PADI2: variants seen among roughly 807,000 people sequenced by gnomAD.
The protein encoded by PADI2 is protein-arginine deiminase type-2.
PADI2 carries 70 observed loss-of-function variants against 81.1 expected under a neutral mutation model. The ratio of observed to expected loss-of-function variants is 0.86; its 90% CI spans 0.71 to 1.05. PADI2 has a LOEUF of 1.05. Among genes scored for constraint, PADI2 ranks in the 50% least tolerant of loss-of-function variants. PADI2 has a pLI of 0.00. For missense variants in PADI2, 853 were observed against 889.9 expected, an observed-to-expected ratio of 0.96 and a Z score of 0.53; for synonymous variants, 338 against 358.0, an observed-to-expected ratio of 0.94 and a Z score of 0.63.
At chr1:17,095,832 G>T in intron 4 of PADI2, 77 bp downstream of exon 4, 1 of 1,147,224 alleles carries the variant, frequency 8.7e-7, no homozygotes. Context: ...TGTGAAATGG[G>T]AATTGCCTGC....
At chr1:17,073,566 A>G (rs6663485) in intron 13 of PADI2, among the ~76,000 whole-genome samples, 91,330 of 151,998 alleles carry the variant, frequency 0.6, 27,842 homozygotes, top group Middle Eastern at 0.7. Context: ...AATAAAAAAC[A>G]TGTTGGACAT....
Position 17,084,662 on chromosome 1 carries a change from A to G in PADI2, c.875T>C (p.Phe292Ser). 1 of 1,571,538 alleles carries G rather than the reference A, an allele frequency of 6.4e-7. No individual in the cohort carries two copies. Among genetic ancestry groups the G allele is most frequent in the East Asian group, 2.4e-5 (1 of 41,990 alleles). ...GGTCATGATCCACGGAGCAATCCGG[A>G]ATATCACGGTGTCCGTGAAGATGGG... The part of the protein sequence containing the change: ...LTPIFTDTVI[F>S]RIAPWIMTPN... Residue 292 changes from phenylalanine (F) to serine (S), a missense_variant, in exon 8 of 16, where the codon TTC (phenylalanine) becomes TCC (serine). Phe to Ser is a radical substitution (Grantham distance 155). Coordinates refer to ENST00000375486, the MANE Select transcript of PADI2 (RefSeq NM_007365.3).
chr1:17,102,006 C>T (rs1931162298), intron 3 of PADI2, among the ~76,000 whole-genome samples: 1 of 152,130 alleles, frequency 6.6e-6, no homozygotes, highest in Non-Finnish European at 1.5e-5. Context: ...CATTCTCCCC[C>T]TCCTCCTCCT....
intron 2 of PADI2, among the ~76,000 whole-genome samples, chr1:17,104,525 C>T (rs779830543): frequency 7.0e-6 from 1 of 142,394 alleles, no homozygotes; most frequent in Non-Finnish European, 1.5e-5. Flanking sequence ...AGCTCCGCCT[C>T]CCGGGTTCAC....
At chr1:17,079,834 G>A (rs965142151) in intron 10 of PADI2, among the ~76,000 whole-genome samples, 14 of 149,674 alleles carry the variant, frequency 9.4e-5, no homozygotes, top group African/African-American at 3.2e-4. Flanking sequence ...TTGCTCTGTC[G>A]CCCAGGCTGG....
intron 3 of PADI2, among the ~76,000 whole-genome samples, chr1:17,099,396 A>T (rs1216374852): frequency 6.6e-6 from 1 of 152,034 alleles, no homozygotes; most frequent in East Asian, 1.9e-4. Flanking sequence ...CTCCCTCCCC[A>T]CACCTCACCT....
chr1:17,106,062 C>T lies in PADI2; in HGVS notation c.93-1001G>A, dbSNP rs12747805. ...GGGTCGCTGAGTAAAGTGCTGAGTC[C>T]TCACAGGGATGGAGCCCAGTGCCTG... is the stretch of plus-strand genomic sequence containing the variant. On this transcript the variant is annotated intron_variant, in intron 1 of 15. Transcript: ENST00000375486. Among the ~76,000 whole-genome samples the T allele has an allele frequency of 6.9e-3, 1,058 of 152,262 alleles. 6 individuals carry two copies. The highest frequency in any genetic ancestry group is 0.012 in the Non-Finnish European group (845 of 68,006).
intron 6 of PADI2, among the ~76,000 whole-genome samples, chr1:17,090,157 C>T (rs1329023971): frequency 2.0e-5 from 3 of 152,226 alleles, no homozygotes; most frequent in Non-Finnish European, 4.4e-5. Context: ...TTGTAACTAA[C>T]AGTCATCATC....
rs1317312307 is a variant in PADI2, at chr1:17,104,872, T to G, written c.276+6A>C. ...CCCGCAGAGGCTGGACTTCCCGCCG[T>G]GGTACCTTGTCACTGCTGGCCTCGG... On this transcript the variant is annotated splice_donor_region_variant and intron_variant, in intron 2 of 15. Coordinates refer to ENST00000375486, the MANE Select transcript of PADI2 (RefSeq NM_007365.3). 6.4e-7 allele frequency: 1 copy of G among 1,563,376 alleles called. No homozygotes were observed. The highest frequency in any genetic ancestry group is 8.7e-7 in the Non-Finnish European group (1 of 1,152,322).
At position 17,083,819 on chromosome 1, in the gene PADI2, CAGGTAATTA is replaced by C; in HGVS notation, c.948_956del (p.Asp316_Leu319delinsGlu). On this transcript the variant is annotated inframe_deletion, in exon 9 of 16. Coordinates refer to ENST00000375486, the MANE Select transcript of PADI2 (RefSeq NM_007365.3). ...CAAGGTTCTTCACCTCTTTCAGGAA[CAGGTAATTA>C]TCCTTCATGCTGAGAAGTTGGGGGA... 6.2e-7 allele frequency: 1 copy of C among 1,610,356 alleles called. No homozygotes were observed. The highest frequency in any genetic ancestry group is 8.5e-7 in the Non-Finnish European group (1 of 1,176,606).
chr1:17,114,529 G>C (rs531407783), intron 1 of PADI2, among the ~76,000 whole-genome samples: 2 of 152,214 alleles, frequency 1.3e-5, no homozygotes, highest in Non-Finnish European at 2.9e-5. Context: ...TTGTTGCAAG[G>C]TTTAAATACG....
At chr1:17,114,432 A>G (rs1234182407) in intron 1 of PADI2, among the ~76,000 whole-genome samples, 1 of 152,134 alleles carries the variant, frequency 6.6e-6, no homozygotes, top group Non-Finnish European at 1.5e-5. Flanking sequence ...CCCACAGTTT[A>G]CTGGCTGTGC....
intron 3 of PADI2, among the ~76,000 whole-genome samples, chr1:17,102,274 G>C (rs1287956912): frequency 2.6e-5 from 4 of 152,216 alleles, no homozygotes; most frequent in African/African-American, 9.6e-5. Flanking sequence ...GTTTCAGGGG[G>C]TGGAGTGATG....
chr1:17,090,616 T>TGTGTGTGTGTGTGA (rs1420387853), intron 6 of PADI2, among the ~76,000 whole-genome samples: 1 of 147,546 alleles, frequency 6.8e-6, no homozygotes, highest in African/African-American at 2.5e-5. Context: ...TGTGTGTGTG[T>TGTGTGTGTGTGTGA]GTCTAAGAGT....
At chr1:17,114,406 G>T (rs916852906) in intron 1 of PADI2, among the ~76,000 whole-genome samples, 1 of 152,164 alleles carries the variant, frequency 6.6e-6, no homozygotes, top group Non-Finnish European at 1.5e-5. Context: ...AGCAGGCAGG[G>T]GCCTGGGCTC....
chr1:17,105,077 A>G lies in PADI2; in HGVS notation c.93-16T>C. ...TGGGGCCGCGCTGTGGGGAGAGATG[A>G]GAGAGGGTTAGGGAGAGCCCTGGGG... On this transcript the variant is annotated splice_polypyrimidine_tract_variant and intron_variant, in intron 1 of 15. Coordinates refer to ENST00000375486, the MANE Select transcript of PADI2 (RefSeq NM_007365.3). The G allele has an allele frequency of 6.5e-7, 1 of 1,537,380 alleles. No individual in the cohort carries two copies. The highest frequency in any genetic ancestry group is 8.8e-7 in the Non-Finnish European group (1 of 1,134,498).
In PADI2 at chr1:17,096,533, T is replaced by C. The variant is rs115054200; in HGVS notation, c.350-563A>G. ...ATCCCACCTTCAAGGACTGAGGGTTTTACTGTGGGTGGGAAGCTGTCTCTA... is the reference window on the plus strand; with the variant it reads ...ATCCCACCTTCAAGGACTGAGGGTTCTACTGTGGGTGGGAAGCTGTCTCTA... On this transcript the variant is annotated intron_variant, in intron 3 of 15. Coordinates refer to ENST00000375486, the MANE Select transcript of PADI2 (RefSeq NM_007365.3). Among the ~76,000 whole-genome samples the C allele has an allele frequency of 2.0e-3, 312 of 152,344 alleles. 1 individual carries two copies. Among genetic ancestry groups the C allele is most frequent in the African/African-American group, 7.3e-3 (304 of 41,594 alleles).
At chr1:17,111,110 C>T (rs1288567849) in intron 1 of PADI2, among the ~76,000 whole-genome samples, 1 of 95,538 alleles carries the variant, frequency 1.0e-5, no homozygotes, top group Non-Finnish European at 2.0e-5. Context: ...TTTTTTGGGA[C>T]GGAGTCTTCC....
chr1:17,070,401 C>G (rs993063036), intron 14 of PADI2, among the ~76,000 whole-genome samples, 185 bp from the exon 15 acceptor site: 1 of 152,150 alleles, frequency 6.6e-6, no homozygotes, highest in Non-Finnish European at 1.5e-5. Context: ...GAACAGCAGT[C>G]GTAATAGGAC....
Sources: gnomAD v4.1 joint callset for allele counts (sites outside exome capture counted in the v4.1 genomes callset) on GRCh38, gnomAD v4.1.1 for gene constraint, MANE v1.5 for transcripts, NCBI Gene and HGNC (gene_info 2026-07-23, HGNC 2026-07-21) for gene names.